The following TACR3 variants were observed in gnomAD, a reference collection of about 807,000 sequenced individuals.
TACR3 encodes neuromedin-K receptor.
TACR3 carries 34 observed loss-of-function variants against 35.0 expected under a neutral mutation model. That is an observed-to-expected ratio of 0.97 (90% confidence interval 0.74 to 1.30). The LOEUF (loss-of-function observed/expected upper bound fraction) is 1.30. Among genes scored for constraint, TACR3 ranks in the 50% most tolerant of loss-of-function variants. The pLI is 0.00. For missense variants in TACR3, 558 were observed against 591.7 expected (o/e 0.94, Z 0.59); for synonymous variants, 233 against 221.1 (o/e 1.05, Z -0.48).
At position 103,586,099 on chromosome 4, in the gene TACR3, A is replaced by C. The variant is rs1723767819; in HGVS notation, c.*3583T>G. The C allele has an allele frequency of 6.6e-6, 1 of 152,058 alleles. No homozygotes were observed. The highest frequency in any genetic ancestry group is 6.6e-5 in the Admixed American group (1 of 15,250). The allele number at this position is 152,058 out of a possible 1,614,324, so 9.4% of individuals were successfully genotyped here. On this transcript the variant is annotated 3_prime_UTR_variant, in exon 5 of 5. Transcript: ENST00000304883. ...GAAATTAAATCTGTCACATTATCACATATGCAAAGGGTGTAAATACATTAA... is the reference window on the plus strand; with the variant it reads ...GAAATTAAATCTGTCACATTATCACCTATGCAAAGGGTGTAAATACATTAA...
intron 3 of TACR3, among the ~76,000 whole-genome samples, chr4:103,651,566 A>C (rs1000885207): frequency 5.9e-5 from 9 of 151,676 alleles, no homozygotes; most frequent in Admixed American, 3.9e-4. Flanking sequence ...CTAAGAGCCC[A>C]CTTTGTGCTC....
At chr4:103,710,463 A>T (rs1286161910) in intron 1 of TACR3, among the ~76,000 whole-genome samples, 1 of 151,754 alleles carries the variant, frequency 6.6e-6, no homozygotes, top group Non-Finnish European at 1.5e-5. Context: ...GACACAACAT[A>T]CCAGAATCTC....
chr4:103,675,888 A>G (rs17033989), intron 1 of TACR3, among the ~76,000 whole-genome samples: 23,417 of 152,116 alleles, frequency 0.15, 2,350 homozygotes, highest in East Asian at 0.43. Flanking sequence ...AGAAATGATA[A>G]GGAGTAGATC....
chr4:103,712,807 T>G (rs1306804338), intron 1 of TACR3, among the ~76,000 whole-genome samples: 2 of 152,176 alleles, frequency 1.3e-5, no homozygotes, highest in African/African-American at 2.4e-5. Context: ...ATCAAAAAGT[T>G]GGCAAAGTAT....
chr4:103,660,196 T>C (rs564492560), intron 1 of TACR3, among the ~76,000 whole-genome samples: 2 of 152,032 alleles, frequency 1.3e-5, no homozygotes, highest in Non-Finnish European at 2.9e-5. Context: ...TTAACTATAG[T>C]CATGATTTAC....
chr4:103,629,075 G>A (rs1178943247), intron 3 of TACR3, among the ~76,000 whole-genome samples: 1 of 152,124 alleles, frequency 6.6e-6, no homozygotes, highest in Non-Finnish European at 1.5e-5. Context: ...AAAGGCCTTT[G>A]ACAAAATTCA....
intron 1 of TACR3, among the ~76,000 whole-genome samples, chr4:103,682,347 TCA>T (rs1313054699): frequency 1.3e-5 from 2 of 152,152 alleles, no homozygotes; most frequent in Non-Finnish European, 2.9e-5. Context: ...TTTAATTGAC[TCA>T]CAGTTCCACA....
At position 103,719,929 on chromosome 4, in the gene TACR3, A is replaced by ATCG. The variant is rs1018794849; in HGVS notation, c.-257_-255dup. On this transcript the variant is annotated 5_prime_UTR_variant, in exon 1 of 5. Transcript: ENST00000304883. ...TGAGATCCTCCCGAGATTAAGGGTT[A>ATCG]TCGAGTCACATCACACGTAGGGAGG... The ATCG allele has an allele frequency of 1.7e-5, 10 of 581,170 alleles. No individual in the cohort carries two copies. The highest frequency in any genetic ancestry group is 2.5e-5 in the Non-Finnish European group (8 of 325,774). The allele number at this position is 581,170 out of a possible 1,614,324, so 36.0% of individuals were successfully genotyped here. A position where few individuals can be genotyped will look rare whatever the true frequency, so the allele number is the denominator to read the frequency against.
chr4:103,707,835 C>A (rs148322626), intron 1 of TACR3, among the ~76,000 whole-genome samples: 1 of 152,146 alleles, frequency 6.6e-6, no homozygotes, highest in African/African-American at 2.4e-5. Context: ...TCTTAGCAAA[C>A]GGCACACCAG....
chr4:103,619,287 T>G (rs937003308), intron 3 of TACR3, among the ~76,000 whole-genome samples: 5 of 152,108 alleles, frequency 3.3e-5, no homozygotes, highest in Admixed American at 3.3e-4. Flanking sequence ...CCTCCAGGGT[T>G]CAAGCAATTC....
intron 3 of TACR3, among the ~76,000 whole-genome samples, chr4:103,642,104 T>C (rs1725368363): frequency 6.6e-6 from 1 of 151,708 alleles, no homozygotes; most frequent in African/African-American, 2.4e-5. Context: ...TTGAAATTGC[T>C]AAGAGAATAA....
intron 1 of TACR3, among the ~76,000 whole-genome samples, chr4:103,679,816 T>A (rs556476105): frequency 4.0e-5 from 6 of 151,874 alleles, no homozygotes; most frequent in Admixed American, 2.6e-4. Context: ...CATTGGCAGA[T>A]AAATAAAAGA....
At chr4:103,607,851 T>G (rs553452652) in intron 3 of TACR3, among the ~76,000 whole-genome samples, 53 of 152,208 alleles carry the variant, frequency 3.5e-4, no homozygotes, top group African/African-American at 1.3e-3. Flanking sequence ...AAAACTGCTA[T>G]AACGTGGTCA....
In TACR3 at chr4:103,619,968, C is replaced by A. The variant is rs1293689900; in HGVS notation, c.889-28285G>T. On this transcript the variant is annotated intron_variant, in intron 3 of 4. Transcript: ENST00000304883. ...AACTATCAACAGAGCAAACAGACAA[C>A]CTACAGAATGGAGGATATTCACAAA... 5.9e-5 allele frequency among the ~76,000 whole-genome samples: 9 copies of A among 152,066 alleles called. No homozygotes were observed. In the East Asian group the frequency reaches 1.5e-3, roughly 26 times the overall value.
intron 1 of TACR3, among the ~76,000 whole-genome samples, chr4:103,684,760 TG>T (rs1331523774): frequency 2.0e-5 from 3 of 151,970 alleles, no homozygotes; most frequent in South Asian, 2.1e-4. Flanking sequence ...CCCAGCACTT[TG>T]GGGGGCTGAG....
At chr4:103,634,786 T>C (rs3796971) in intron 3 of TACR3, among the ~76,000 whole-genome samples, 16,977 of 152,132 alleles carry the variant, frequency 0.11, 1,040 homozygotes, top group East Asian at 0.2. Flanking sequence ...CCATAGCTAA[T>C]AGAGTTACCC....
chr4:103,719,515 G>GA lies in TACR3; in HGVS notation c.160dup (p.Ser54PhefsTer96), dbSNP rs542227471. On this transcript the variant is annotated frameshift_variant, in exon 1 of 5. Transcript: ENST00000304883. LOFTEE classifies it high-confidence loss of function. Reference sequence around the variant, plus strand: ...CACAGGCAGTCCCAGCGCGGAAGGGGAGGAGGAGAGGTTGCCAGCTTGGTC... The same window carrying GA: ...CACAGGCAGTCCCAGCGCGGAAGGGGAAGGAGGAGAGGTTGCCAGCTTGGTC... 1.2e-6 allele frequency: 2 copies of GA among 1,609,750 alleles called. No homozygotes were observed. The highest frequency in any genetic ancestry group is 2.2e-5 in the South Asian group (2 of 90,970).
At chr4:103,668,283 C>T (rs1249830826) in intron 1 of TACR3, among the ~76,000 whole-genome samples, 1 of 152,148 alleles carries the variant, frequency 6.6e-6, no homozygotes, top group Non-Finnish European at 1.5e-5. Flanking sequence ...TTCCACTGTA[C>T]TGTAGTCTAT....
chr4:103,685,749 T>C (rs963174103), intron 1 of TACR3, among the ~76,000 whole-genome samples: 4 of 152,144 alleles, frequency 2.6e-5, no homozygotes, highest in Non-Finnish European at 4.4e-5. Flanking sequence ...AAATTAACTA[T>C]TGAAAGTCTC....
Sources: gnomAD v4.1 joint callset for allele counts (sites outside exome capture counted in the v4.1 genomes callset) on GRCh38, gnomAD v4.1.1 for gene constraint, MANE v1.5 for transcripts, NCBI Gene and HGNC (gene_info 2026-07-23, HGNC 2026-07-21) for gene names.